KIDINS220: variants seen among roughly 807,000 people sequenced by gnomAD.
The protein encoded by KIDINS220 is kinase D interacting substrate 220.
A neutral mutation model predicts 157.6 loss-of-function variants in KIDINS220; 63 were observed. The ratio of observed to expected loss-of-function variants is 0.40; its 90% CI spans 0.33 to 0.49. KIDINS220 has a LOEUF of 0.49. Ranked by LOEUF, KIDINS220 falls within the 20% of genes least tolerant of loss-of-function variation. The probability of loss-of-function intolerance (pLI) is 0.66; values close to 1 mark genes in which losing one functional copy is unlikely to be tolerated. For missense variants in KIDINS220, 1,772 were observed against 2,171.2 expected (o/e 0.82, Z 3.65); for synonymous variants, 732 against 783.6 (o/e 0.93, Z 1.10).
At chr2:8,747,767 C>G (rs988444279) in intron 25 of KIDINS220, 120 bp downstream of exon 25, 13 of 505,356 alleles carry the variant, frequency 2.6e-5, no homozygotes, top group Non-Finnish European at 3.7e-5. Flanking sequence ...TAGGTTGTTT[C>G]TTAAAACTAT....
At chr2:8,829,148 G>C (rs1407730799) in intron 1 of KIDINS220, among the ~76,000 whole-genome samples, 2 of 152,222 alleles carry the variant, frequency 1.3e-5, no homozygotes, top group Non-Finnish European at 2.9e-5. Context: ...ACAGATCGGG[G>C]CTGCCAGGGT....
At chr2:8,817,413 G>C (rs960512448) in intron 4 of KIDINS220, among the ~76,000 whole-genome samples, 2 of 151,992 alleles carry the variant, frequency 1.3e-5, no homozygotes, top group Admixed American at 1.3e-4. Context: ...CAAAATAAAT[G>C]AAAAATGATG....
In KIDINS220 at chr2:8,813,220, T is replaced by A; in HGVS notation, c.405+17A>T. ...TTACCACTTATAATACAAACAAATTTTTTTGTTAATGCTTACCAGACCAGT... is the reference window on the plus strand; with the variant it reads ...TTACCACTTATAATACAAACAAATTATTTTGTTAATGCTTACCAGACCAGT... On this transcript the variant is annotated intron_variant, in intron 5 of 29. Transcript: ENST00000256707. The A allele has an allele frequency of 6.3e-7, 1 of 1,583,478 alleles. No individual in the cohort carries two copies. Among genetic ancestry groups the A allele is most frequent in the Non-Finnish European group, 8.6e-7 (1 of 1,162,766 alleles).
At chr2:8,796,515 T>C (rs1439540712) in intron 11 of KIDINS220, among the ~76,000 whole-genome samples, 2 of 152,176 alleles carry the variant, frequency 1.3e-5, no homozygotes, top group Admixed American at 6.5e-5. Context: ...CTCCTCCTGA[T>C]GTGGTAGTCA....
chr2:8,801,515 T>C (rs1674686011), intron 8 of KIDINS220, among the ~76,000 whole-genome samples: 1 of 152,200 alleles, frequency 6.6e-6, no homozygotes, highest in Non-Finnish European at 1.5e-5. Context: ...GTCCTACCTC[T>C]GGAAGAATTT....
intron 23 of KIDINS220, 26 bp from the exon 24 acceptor site, chr2:8,750,361 A>G (rs1667183770): frequency 1.4e-6 from 2 of 1,474,472 alleles, no homozygotes. Context: ...AGACCCCAGA[A>G]GGCAAGAGAA....
At chr2:8,817,144 A>G (rs1677190965) in intron 4 of KIDINS220, among the ~76,000 whole-genome samples, 1 of 152,268 alleles carries the variant, frequency 6.6e-6, no homozygotes, top group Non-Finnish European at 1.5e-5. Context: ...GTAAGAGCTA[A>G]GTAATAATTA....
At chr2:8,743,538 G>C (rs1665927742) in intron 26 of KIDINS220, among the ~76,000 whole-genome samples, 1 of 152,174 alleles carries the variant, frequency 6.6e-6, no homozygotes, top group East Asian at 1.9e-4. Context: ...ATCTGTCCAA[G>C]GCAAAGAGCT....
At chr2:8,734,165 A>G (rs1664540289) in intron 28 of KIDINS220, among the ~76,000 whole-genome samples, 1 of 139,114 alleles carries the variant, frequency 7.2e-6, no homozygotes, top group African/African-American at 2.8e-5. Context: ...AGGCAGCAGG[A>G]GTGGGGGACT....
chr2:8,722,693 G>T (rs1663030165), downstream of KIDINS220: 1 of 152,170 alleles, frequency 6.6e-6, no homozygotes, highest in African/African-American at 2.4e-5. Context: ...TGAATAAAAA[G>T]AATTCTAGAA....
chr2:8,746,992 C>T (rs1666674458), intron 26 of KIDINS220, 153 bp downstream of exon 26: 1 of 591,426 alleles, frequency 1.7e-6, no homozygotes, highest in Non-Finnish European at 3.0e-6. Context: ...AATTCAGGAA[C>T]CATAATTATT....
chr2:8,813,644 C>G (rs915830298), intron 4 of KIDINS220, among the ~76,000 whole-genome samples: 2 of 152,236 alleles, frequency 1.3e-5, no homozygotes, highest in Non-Finnish European at 2.9e-5. Flanking sequence ...TTTCTTCAGG[C>G]TGGGTGCGGT....
At chr2:8,815,627 C>T (rs919146871) in intron 4 of KIDINS220, among the ~76,000 whole-genome samples, 5 of 152,088 alleles carry the variant, frequency 3.3e-5, no homozygotes, top group African/African-American at 1.2e-4. Flanking sequence ...CAAGATTGTG[C>T]CACTGTGCTC....
intron 27 of KIDINS220, 91 bp downstream of exon 27, chr2:8,736,777 G>A (rs1468303541): frequency 9.0e-6 from 12 of 1,331,962 alleles, no homozygotes; most frequent in Non-Finnish European, 1.2e-5. Flanking sequence ...ATGCATGTTT[G>A]GGAAGCTATA....
Position 8,835,659 on chromosome 2 carries a change from C to CA in KIDINS220, c.-37+1820dup, listed in dbSNP as rs56986834. On this transcript the variant is annotated intron_variant, in intron 1 of 29. Coordinates refer to ENST00000256707, the MANE Select transcript of KIDINS220 (RefSeq NM_020738.4). ...TGGGCAACAGAGCCAGACCCTGTCT[C>CA]AAAAAAAAAAAAAAAAAAAAAAAGT... Among the ~76,000 whole-genome samples the CA allele has an allele frequency of 7.8e-3, 677 of 86,996 alleles. 4 individuals are homozygous for CA. The highest frequency in any genetic ancestry group is 0.011 in the South Asian group (27 of 2,506). 57.1% of individuals were successfully genotyped at this position (86,996 alleles called of 152,430 possible). A position where few individuals can be genotyped will look rare whatever the true frequency, so the allele number is the denominator to read the frequency against.
chr2:8,813,292 G>T lies in KIDINS220; in HGVS notation c.350C>A (p.Thr117Asn). 1 of 1,613,566 alleles carries T rather than the reference G, an allele frequency of 6.2e-7. No homozygotes were observed. ...ALMWACYKGR[T>N]DVVELLLSHG... is the part of the protein sequence containing the mutation. ...AGAAAGAAGCAACTCTACTACGTCAGTACGGCCTTTGTAACATGCCCACAT... is the reference window on the plus strand; with the variant it reads ...AGAAAGAAGCAACTCTACTACGTCATTACGGCCTTTGTAACATGCCCACAT... Residue 117 changes from threonine to asparagine, a missense_variant, in exon 5 of 30, where the codon ACT becomes AAT. This residue lies in a region of KIDINS220 where 254 missense variants were observed against 268.6 expected (regional missense o/e 0.95). Transcript: ENST00000256707.
chr2:8,787,786 T>C (rs1211641058), intron 15 of KIDINS220, among the ~76,000 whole-genome samples: 1 of 152,066 alleles, frequency 6.6e-6, no homozygotes, highest in Non-Finnish European at 1.5e-5. Context: ...CCTTTATTCC[T>C]GGACTTAAAC....
intron 28 of KIDINS220, 109 bp from the exon 29 acceptor site, chr2:8,733,789 A>T: frequency 1.4e-6 from 1 of 700,000 alleles, no homozygotes. Flanking sequence ...AGCAATGAGA[A>T]AGCATACTTC....
intron 6 of KIDINS220, among the ~76,000 whole-genome samples, chr2:8,810,698 A>G (rs1355557474): frequency 1.3e-5 from 2 of 152,204 alleles, no homozygotes; most frequent in Non-Finnish European, 2.9e-5. Flanking sequence ...ACACAGGAGA[A>G]TCGCTTGAAC....
Sources: gnomAD v4.1 joint callset for allele counts (sites outside exome capture counted in the v4.1 genomes callset) on GRCh38, gnomAD v4.1.1 for gene constraint, gnomAD v4.1.1 regional missense constraint, MANE v1.5 for transcripts, NCBI Gene and HGNC (gene_info 2026-07-23, HGNC 2026-07-21) for gene names.